CELF4: variants seen among roughly 807,000 people sequenced by gnomAD.
The protein encoded by CELF4 is CUG-BP- and ETR-3-like factor 4.
In CELF4, 18 loss-of-function variants were observed where a neutral mutation model predicts 59.9. The observed-to-expected ratio is 0.30, with a 90% CI of 0.21 to 0.45. The LOEUF (loss-of-function observed/expected upper bound fraction) is 0.45. Among genes scored for constraint, CELF4 ranks in the 20% least tolerant of loss-of-function variants. The pLI, the probability that CELF4 is intolerant of heterozygous loss-of-function variation, is 1.00. For missense variants in CELF4, 456 were observed against 689.0 expected, an observed-to-expected ratio of 0.66 and a Z score of 3.79; for synonymous variants, 261 against 267.1, an observed-to-expected ratio of 0.98 and a Z score of 0.22.
intron 2 of CELF4, among the ~76,000 whole-genome samples, chr18:37,427,170 C>A (rs930796167): frequency 6.6e-6 from 1 of 152,136 alleles, no homozygotes; most frequent in East Asian, 1.9e-4. Flanking sequence ...GGACGTGGGG[C>A]TTGCCTCCTC....
chr18:37,274,624 C>G (rs1008056400), intron 5 of CELF4, 170 bp from the exon 6 acceptor site: 2 of 1,507,526 alleles, frequency 1.3e-6, no homozygotes, highest in South Asian at 2.5e-5. Flanking sequence ...GCATTTTCCA[C>G]CTGGGTAACC....
At chr18:37,334,728 G>T (rs900237951) in intron 2 of CELF4, among the ~76,000 whole-genome samples, 11 of 152,020 alleles carry the variant, frequency 7.2e-5, no homozygotes, top group African/African-American at 2.2e-4. Flanking sequence ...CCTGACCCGG[G>T]GGGGACAGCT....
At chr18:37,453,210 C>T (rs563243859) in intron 2 of CELF4, among the ~76,000 whole-genome samples, 1 of 152,394 alleles carries the variant, frequency 6.6e-6, no homozygotes, top group East Asian at 1.9e-4. Context: ...TCTTCCTGGC[C>T]TGCAAAGGCA....
intron 2 of CELF4, among the ~76,000 whole-genome samples, chr18:37,468,161 C>T (rs745859812): frequency 1.3e-5 from 2 of 152,182 alleles, no homozygotes; most frequent in African/African-American, 2.4e-5. Flanking sequence ...CTAAGTGACT[C>T]GGGCTGTCAG....
intron 1 of CELF4, among the ~76,000 whole-genome samples, chr18:37,488,702 C>G (rs1208029575): frequency 6.6e-6 from 1 of 152,196 alleles, no homozygotes; most frequent in Non-Finnish European, 1.5e-5. Context: ...ACAACTGCAG[C>G]TCCTGACTCC....
intron 1 of CELF4, among the ~76,000 whole-genome samples, chr18:37,519,544 T>C (rs2099954738): frequency 6.6e-6 from 1 of 152,160 alleles, no homozygotes; most frequent in African/African-American, 2.4e-5. Flanking sequence ...CCGAGGAGGC[T>C]TTTGTAGTTT....
intron 1 of CELF4, among the ~76,000 whole-genome samples, chr18:37,532,301 C>T (rs2099970190): frequency 1.3e-5 from 2 of 152,280 alleles, no homozygotes; most frequent in South Asian, 4.2e-4. Flanking sequence ...ACTTTGAATG[C>T]GTGTTCCTGT....
chr18:37,325,161 CG>C (rs1321733762), intron 2 of CELF4, among the ~76,000 whole-genome samples: 1 of 140,834 alleles, frequency 7.1e-6, no homozygotes, highest in Non-Finnish European at 1.5e-5. Context: ...TCTGTCCCAA[CG>C]GGGGAGTGAG....
intron 1 of CELF4, among the ~76,000 whole-genome samples, chr18:37,544,602 C>G (rs753381121): frequency 1.5e-4 from 23 of 152,082 alleles, no homozygotes; most frequent in Non-Finnish European, 2.9e-4. Flanking sequence ...TGTGCTTGTA[C>G]GTATGTATGT....
At chr18:37,266,860 G>A (rs2077850800) in intron 8 of CELF4, among the ~76,000 whole-genome samples, 1 of 152,116 alleles carries the variant, frequency 6.6e-6, no homozygotes, top group African/African-American at 2.4e-5. Context: ...GCTGGGGTAA[G>A]ATGGGGGCTC....
rs138039635 is a variant in CELF4, at chr18:37,434,012, G to A, written c.369+51513C>T. ...TTTTAAACAGAGAAATCTTAGTTGA[G>A]TGCTCCCTACACCTAAGGCCCTACA... On this transcript the variant is annotated intron_variant, in intron 2 of 12. Transcript: ENST00000420428. 6.8e-3 allele frequency among the ~76,000 whole-genome samples: 1,038 copies of A among 152,310 alleles called. 5 individuals carry two copies. The highest frequency in any genetic ancestry group is 9.7e-3 in the Non-Finnish European group (660 of 68,036).
intron 2 of CELF4, among the ~76,000 whole-genome samples, chr18:37,361,491 T>C (rs932281458): frequency 2.0e-5 from 3 of 152,290 alleles, no homozygotes; most frequent in African/African-American, 7.2e-5. Flanking sequence ...TAGACTTTTG[T>C]GTTAACGACT....
chr18:37,495,353 C>T (rs563414728), intron 1 of CELF4, among the ~76,000 whole-genome samples: 16 of 152,248 alleles, frequency 1.1e-4, no homozygotes, highest in South Asian at 6.2e-4. Context: ...AAACCACCTC[C>T]CTCCTCTCCA....
chr18:37,497,424 C>A (rs773080120), intron 1 of CELF4, among the ~76,000 whole-genome samples: 8 of 152,154 alleles, frequency 5.3e-5, no homozygotes, highest in Non-Finnish European at 8.8e-5. Flanking sequence ...GAGGCCAAGG[C>A]GGGCAGATCA....
intron 2 of CELF4, among the ~76,000 whole-genome samples, chr18:37,476,453 G>A (rs925497486): frequency 6.6e-6 from 1 of 152,220 alleles, no homozygotes; most frequent in African/African-American, 2.4e-5. Flanking sequence ...TTGAACCACA[G>A]TAAACTACGG....
intron 3 of CELF4, among the ~76,000 whole-genome samples, chr18:37,318,250 C>T (rs1011715141): frequency 6.6e-6 from 1 of 151,886 alleles, no homozygotes; most frequent in African/African-American, 2.4e-5. Context: ...CCAGTCTTCC[C>T]TCACCCACTG....
At chr18:37,492,325 G>A in intron 1 of CELF4, among the ~76,000 whole-genome samples, 1 of 152,168 alleles carries the variant, frequency 6.6e-6, no homozygotes, top group Non-Finnish European at 1.5e-5. Flanking sequence ...CACAGCCTGG[G>A]AGCATCACTC....
Position 37,339,806 on chromosome 18 carries a change from A to G in CELF4, c.370-17925T>C, listed in dbSNP as rs115807144. Among the ~76,000 whole-genome samples, 460 of 151,166 alleles carry G rather than the reference A, an allele frequency of 3.0e-3. 1 individual carries two copies. Among genetic ancestry groups the G allele is most frequent in the African/African-American group, 0.011 (441 of 41,106 alleles). ...GCATCTTGCTGGGTTTCTCGTGTGTAGACGCATGGTCATGCCCCTGCCAAT... is the reference window on the plus strand; with the variant it reads ...GCATCTTGCTGGGTTTCTCGTGTGTGGACGCATGGTCATGCCCCTGCCAAT... On this transcript the variant is annotated intron_variant, in intron 2 of 12. Transcript: ENST00000420428.
intron 2 of CELF4, among the ~76,000 whole-genome samples, chr18:37,384,874 C>A (rs1367833549): frequency 1.3e-5 from 2 of 152,172 alleles, no homozygotes; most frequent in African/African-American, 4.8e-5. Flanking sequence ...TCCTGCCTGT[C>A]CCAGAGCCAC....
Sources: allele counts gnomAD v4.1 joint callset (sites outside exome capture counted in the v4.1 genomes callset), GRCh38; gene constraint gnomAD v4.1.1; transcripts MANE v1.5; gene names NCBI Gene and HGNC (gene_info 2026-07-23, HGNC 2026-07-21).